The following PIK3R4 variants were observed in gnomAD, a reference collection of about 807,000 sequenced individuals.
PIK3R4 encodes phosphoinositide 3-kinase regulatory subunit 4.
PIK3R4 carries 46 observed loss-of-function variants against 136.5 expected under a neutral mutation model. That is an observed-to-expected ratio of 0.34 (90% CI 0.27 to 0.43). The LOEUF is 0.43. Ranked by LOEUF, PIK3R4 falls within the 20% of genes least tolerant of loss-of-function variation. PIK3R4 has a pLI of 1.00. For synonymous variants in PIK3R4, 557 were observed against 566.7 expected (o/e 0.98, Z 0.24); for missense variants, 1,331 against 1,649.5 (o/e 0.81, Z 3.35).
At chr3:130,681,164 A>G in intron 17 of PIK3R4, 99 bp from the exon 18 acceptor site, 1 of 762,466 alleles carries the variant, frequency 1.3e-6, no homozygotes, top group Non-Finnish European at 2.4e-6. Flanking sequence ...GTAGCTTTAC[A>G]AGCACCTGGT....
At chr3:130,704,260 C>G (rs902769701) in intron 12 of PIK3R4, among the ~76,000 whole-genome samples, 1 of 152,134 alleles carries the variant, frequency 6.6e-6, no homozygotes, top group African/African-American at 2.4e-5. Flanking sequence ...ATACGTTACT[C>G]TAAGTATAAT....
rs2066842318 is a variant in PIK3R4 at position 130,744,557 on chromosome 3, G to A, written c.662C>T (p.Pro221Leu). 8 of 1,614,072 alleles carry A rather than the reference G, an allele frequency of 5.0e-6. No homozygotes were observed. Among genetic ancestry groups the A allele is most frequent in the African/African-American group, 1.3e-5 (1 of 75,044 alleles). Residue 221 changes from proline (P) to leucine (L), a missense_variant, in exon 2 of 20, where the codon CCG becomes CTG. Physicochemically the swap from Pro to Leu is moderately conservative, Grantham distance 98. Transcript: ENST00000356763. ...ELEYMRDPST[P>L]LVDLNSNQRT... Reference sequence around the variant, plus strand: ...CTGATTGCTATTTAAGTCTACAAGCGGAGTTGAAGGATCTCTCATATATTC... The same window carrying A: ...CTGATTGCTATTTAAGTCTACAAGCAGAGTTGAAGGATCTCTCATATATTC...
Position 130,717,406 on chromosome 3 carries a change from G to GT in PIK3R4, c.2128-808dup, listed in dbSNP as rs899531659. Reference sequence around the variant, plus strand: ...TTCAATGAGCAAACTTTTAAATAGAGTAACTATTCAAAAGGAGTAGATATC... The same window carrying GT: ...TTCAATGAGCAAACTTTTAAATAGAGTTAACTATTCAAAAGGAGTAGATATC... On this transcript the variant is annotated intron_variant, in intron 8 of 19. Transcript: ENST00000356763. 1.6e-4 allele frequency among the ~76,000 whole-genome samples: 25 copies of GT among 152,130 alleles called. 2 individuals are homozygous for GT. The highest frequency in any genetic ancestry group is 5.8e-4 in the African/African-American group (24 of 41,506).
At chr3:130,730,136 A>G (rs868283341) in intron 5 of PIK3R4, among the ~76,000 whole-genome samples, 172 bp downstream of exon 5, 12 of 152,220 alleles carry the variant, frequency 7.9e-5, no homozygotes, top group Admixed American at 2.6e-4. Flanking sequence ...TTTGAGCAAG[A>G]TAACAGTATA....
chr3:130,725,979 ATGAT>A (rs1440498132), intron 6 of PIK3R4: 2 of 152,228 alleles, frequency 1.3e-5, no homozygotes, highest in East Asian at 3.9e-4. Flanking sequence ...GGGATGCAAA[ATGAT>A]ATCATCTTTT....
At chr3:130,702,995 T>C (rs909169743) in intron 13 of PIK3R4, among the ~76,000 whole-genome samples, 2 of 152,234 alleles carry the variant, frequency 1.3e-5, no homozygotes, top group Non-Finnish European at 2.9e-5. Context: ...CACCTCATAC[T>C]GCTACCAAGC....
At chr3:130,711,701 A>G (rs1000325158) in intron 9 of PIK3R4, among the ~76,000 whole-genome samples, 1 of 152,222 alleles carries the variant, frequency 6.6e-6, no homozygotes, top group Non-Finnish European at 1.5e-5. Flanking sequence ...ATCTTAACAA[A>G]GCTTAAAAGC....
At chr3:130,684,220 C>A in intron 16 of PIK3R4, 30 bp downstream of exon 16, 1 of 1,598,046 alleles carries the variant, frequency 6.3e-7, no homozygotes, top group South Asian at 1.1e-5. Flanking sequence ...GAAAATCTCC[C>A]AACACATGAA....
chr3:130,708,466 T>C lies in PIK3R4; in HGVS notation c.2358A>G (p.Lys786=). ...SQGMTEEEED[K]LLALKDFMMK... is the part of the protein sequence containing the mutation. ...TCATGAAGTCTTTCAGTGCCAGAAGTTTGTCTTCCTCTTCCTCTGTCATTC... is the reference window on the plus strand; with the variant it reads ...TCATGAAGTCTTTCAGTGCCAGAAGCTTGTCTTCCTCTTCCTCTGTCATTC... Residue 786 remains lysine, a synonymous_variant, in exon 10 of 20, where the codon AAA becomes AAG. Transcript: ENST00000356763. 6.2e-7 allele frequency: 1 copy of C among 1,612,994 alleles called. No individual in the cohort carries two copies. The highest frequency in any genetic ancestry group is 8.5e-7 in the Non-Finnish European group (1 of 1,179,138).
In PIK3R4 at chr3:130,704,352, A is replaced by C. The variant is rs145849256; in HGVS notation, c.2933-464T>G. 1.9e-3 allele frequency among the ~76,000 whole-genome samples: 292 copies of C among 152,350 alleles called. 2 individuals carry two copies. The highest frequency in any genetic ancestry group is 6.9e-3 in the African/African-American group (285 of 41,590). On this transcript the variant is annotated intron_variant, in intron 12 of 19. Coordinates refer to ENST00000356763, the MANE Select transcript of PIK3R4 (RefSeq NM_014602.3). ...TCACTGTTTTTAAAGTTGTGCTGGT[A>C]TATCACAAAAACCGTTTGAACATTA...
At chr3:130,728,030 A>G (rs1041416778) in intron 6 of PIK3R4, among the ~76,000 whole-genome samples, 1 of 152,134 alleles carries the variant, frequency 6.6e-6, no homozygotes, top group East Asian at 1.9e-4. Context: ...ATTTTCAACC[A>G]TGATTATATT....
At position 130,745,262 on chromosome 3, in the gene PIK3R4, T is replaced by C. The variant is rs1394084730; in HGVS notation, c.-44A>G. On this transcript the variant is annotated splice_region_variant and 5_prime_UTR_variant, in exon 2 of 20. Transcript: ENST00000356763. ...GGTCTTTAGTAAGGTTAGGATATAATACCTGTTTAAAATAAAAACAAATGA... is the reference window on the plus strand; with the variant it reads ...GGTCTTTAGTAAGGTTAGGATATAACACCTGTTTAAAATAAAAACAAATGA... The C allele has an allele frequency of 6.6e-7, 1 of 1,510,106 alleles. No individual in the cohort carries two copies. The highest frequency in any genetic ancestry group is 1.3e-5 in the South Asian group (1 of 77,416). 93.5% of individuals were successfully genotyped at this position (1,510,106 alleles called of 1,614,324 possible).
chr3:130,718,733 T>A (rs1040766915), intron 7 of PIK3R4, among the ~76,000 whole-genome samples, 199 bp from the exon 8 acceptor site: 3 of 152,204 alleles, frequency 2.0e-5, no homozygotes, highest in African/African-American at 7.2e-5. Flanking sequence ...TTATTATAAA[T>A]ATCACAGCAG....
At chr3:130,705,419 T>C in intron 12 of PIK3R4, 142 bp downstream of exon 12, 2 of 625,832 alleles carry the variant, frequency 3.2e-6, no homozygotes, top group East Asian at 5.3e-5. Flanking sequence ...ATTTCTTACT[T>C]ACTGCTTCTT....
intron 13 of PIK3R4, 40 bp downstream of exon 13, chr3:130,703,678 GTTGAT>G (rs2066591631): frequency 4.9e-6 from 7 of 1,430,816 alleles, no homozygotes; most frequent in Non-Finnish European, 6.8e-6. Flanking sequence ...ATAAACATTT[GTTGAT>G]TTGAATTAAT....
rs1388953789 is a variant in PIK3R4, at chr3:130,716,550, C to T, written c.2177G>A (p.Arg726His). ...CCTCAAAGCATAATCAAATATAGAA[C>T]GACTTACTGGTTCCTTTAAAACACT... ...LLSVLKEPVS[R>H]SIFDYALRSK... Residue 726 changes from arginine to histidine, a missense_variant, in exon 9 of 20, where the codon CGT becomes CAT. By Grantham distance (29) the Arg-to-His change is conservative. This residue lies in a region of PIK3R4 where 1,180 missense variants were observed against 1,407.0 expected (regional missense o/e 0.84). Transcript: ENST00000356763. 6 of 1,613,866 alleles carry T rather than the reference C, an allele frequency of 3.7e-6. 1 individual carries two copies. The highest frequency in any genetic ancestry group is 1.7e-5 in the Admixed American group (1 of 60,020).
intron 6 of PIK3R4, 142 bp from the exon 7 acceptor site, chr3:130,723,729 T>G (rs1301520713): frequency 1.6e-6 from 1 of 627,026 alleles, no homozygotes; most frequent in Non-Finnish European, 2.5e-6. Context: ...CCCAGCATGA[T>G]AAAGTTAAAA....
rs536927885 is a variant in PIK3R4 at position 130,681,442 on chromosome 3, A to G, written c.3708+49T>C. ...TTTGATTAAATGCCTGAAAGTACTT[A>G]GGATGTGGGGAATAATATCATCCTT... is the stretch of plus-strand genomic sequence containing the variant. On this transcript the variant is annotated intron_variant, in intron 17 of 19. Transcript: ENST00000356763. The G allele has an allele frequency of 3.2e-5, 37 of 1,154,792 alleles. No homozygotes were observed. In the South Asian group the frequency reaches 4.6e-4, roughly 14 times the overall value. 71.5% of individuals were successfully genotyped at this position (1,154,792 alleles called of 1,614,324 possible). A position where few individuals can be genotyped will look rare whatever the true frequency, so the allele number is the denominator to read the frequency against.
In PIK3R4 at chr3:130,697,996, C is replaced by T. The variant is rs145422142; in HGVS notation, c.3098+5727G>A. 2.8e-3 allele frequency among the ~76,000 whole-genome samples: 420 copies of T among 152,308 alleles called. 2 individuals are homozygous for T. The highest frequency in any genetic ancestry group is 9.8e-3 in the African/African-American group (406 of 41,568). ...TTTCTGAAGGACAATTTTACTGCCA[C>T]AGAATTATTGGTTGACAGTCTTTTC... is the stretch of plus-strand genomic sequence containing the variant. On this transcript the variant is annotated intron_variant, in intron 13 of 19. Transcript: ENST00000356763.
Sources: gnomAD v4.1 joint callset for allele counts (sites outside exome capture counted in the v4.1 genomes callset) on GRCh38, gnomAD v4.1.1 for gene constraint, gnomAD v4.1.1 regional missense constraint, MANE v1.5 for transcripts, NCBI Gene and HGNC (gene_info 2026-07-23, HGNC 2026-07-21) for gene names.